Variants in TARP observed in about 807,000 individuals in gnomAD.
At chr7:38,266,019 T>G in the TARP span, among the ~76,000 whole-genome samples, 4 of 151,314 alleles carry the variant, frequency 2.6e-5, no homozygotes, top group African/African-American at 9.7e-5. Flanking sequence ...ATGAGCATAT[T>G]TATTTTATTT....
the TARP span, among the ~76,000 whole-genome samples, chr7:38,263,367 G>A: frequency 6.6e-6 from 1 of 151,860 alleles, no homozygotes; most frequent in Non-Finnish European, 1.5e-5. Context: ...GTAGTTGTAG[G>A]GGAAGAAAAG....
chr7:38,266,510 C>T, the TARP span, among the ~76,000 whole-genome samples: 7 of 152,044 alleles, frequency 4.6e-5, no homozygotes, highest in Non-Finnish European at 8.8e-5. Flanking sequence ...CCATATTGAC[C>T]AGGCTGGTTT....
the TARP span, chr7:38,265,265 T>G: frequency 3.0e-6 from 3 of 1,011,510 alleles, no homozygotes; most frequent in Non-Finnish European, 2.9e-6. Context: ...GATTTATGTT[T>G]GTTTTTCATT....
chr7:38,265,261 T>C, the TARP span: 2 of 963,272 alleles, frequency 2.1e-6, no homozygotes, highest in Non-Finnish European at 1.5e-6. Flanking sequence ...GAAAGATTTA[T>C]GTTTGTTTTT....
the TARP span, among the ~76,000 whole-genome samples, chr7:38,264,721 A>G: frequency 1.1e-3 from 168 of 151,938 alleles, no homozygotes; most frequent in African/African-American, 4.0e-3. Flanking sequence ...CCTGATCACT[A>G]GAAAAATCAG....
the TARP span, among the ~76,000 whole-genome samples, chr7:38,268,018 G>T: frequency 6.6e-6 from 1 of 150,764 alleles, no homozygotes; most frequent in South Asian, 2.1e-4. Context: ...CTTTCTCAAC[G>T]TAGTAGTTAA....
chr7:38,265,613 T>A, the TARP span: 1 of 1,611,594 alleles, frequency 6.2e-7, no homozygotes, highest in East Asian at 2.2e-5. Flanking sequence ...TTCTGGAGCT[T>A]TGTTTCAGCA....
chr7:38,271,233 A>T, the TARP span, among the ~76,000 whole-genome samples: 13 of 151,558 alleles, frequency 8.6e-5, 1 homozygote, highest in Admixed American at 7.9e-4. Flanking sequence ...CCAGGAGTTG[A>T]TGGTTTTGTA....
At chr7:38,265,452 C>G in the TARP span, 7 of 1,611,332 alleles carry the variant, frequency 4.3e-6, no homozygotes, top group Admixed American at 3.3e-5. Context: ...TTTCTGGCAC[C>G]GTTAACCAGC....
At chr7:38,260,227 G>GT in the TARP span, 1 of 1,577,782 alleles carries the variant, frequency 6.3e-7, no homozygotes, top group Non-Finnish European at 8.6e-7. Flanking sequence ...CAGCAGTAGT[G>GT]TATCTAAGAG....
At chr7:38,271,056 G>A in the TARP span, among the ~76,000 whole-genome samples, 1 of 150,604 alleles carries the variant, frequency 6.6e-6, no homozygotes, top group Non-Finnish European at 1.5e-5. Flanking sequence ...GGTAATCACA[G>A]GCCTTTTTCC....
chr7:38,263,827 A>T, the TARP span, among the ~76,000 whole-genome samples: 1 of 151,864 alleles, frequency 6.6e-6, no homozygotes, highest in African/African-American at 2.4e-5. Context: ...GAATTCTAAA[A>T]ACTTGGACTT....
At chr7:38,261,870 CAAA>C in the TARP span, among the ~76,000 whole-genome samples, 1 of 52,464 alleles carries the variant, frequency 1.9e-5, no homozygotes, top group Non-Finnish European at 4.1e-5. Context: ...AGACTCTGTC[CAAA>C]AAAAAAAAAA....
the TARP span, chr7:38,262,059 C>T: frequency 1.2e-6 from 1 of 865,944 alleles, no homozygotes; most frequent in South Asian, 1.4e-5. Flanking sequence ...TTTAAAATAT[C>T]ACTAGGTCCA....
chr7:38,265,424 G>T, the TARP span: 1 of 1,612,100 alleles, frequency 6.2e-7, no homozygotes, highest in Admixed American at 1.7e-5. Context: ...ATACATCTGT[G>T]TTCTTTGTCC....
chr7:38,266,535 C>A, the TARP span, among the ~76,000 whole-genome samples: 3 of 152,020 alleles, frequency 2.0e-5, no homozygotes, highest in Non-Finnish European at 4.4e-5. Flanking sequence ...CTCCTGCGCT[C>A]AAGTGATCTG....
the TARP span, among the ~76,000 whole-genome samples, chr7:38,270,998 T>C: frequency 6.6e-6 from 1 of 150,964 alleles, no homozygotes; most frequent in African/African-American, 2.4e-5. Context: ...TTCCCCTACC[T>C]TTTTCTCCTT....
the TARP span, chr7:38,259,719 C>T: frequency 5.5e-6 from 1 of 182,634 alleles, no homozygotes; most frequent in South Asian, 1.3e-4. Context: ...AAGAAGACTG[C>T]TTCAGGGCGT....
the TARP span, among the ~76,000 whole-genome samples, chr7:38,263,266 C>T: frequency 4.0e-4 from 61 of 151,994 alleles, no homozygotes; most frequent in African/African-American, 1.3e-3. Flanking sequence ...TTATGTATGG[C>T]CCCATGTTCT....
Sources: gnomAD v4.1 joint callset for allele counts (sites outside exome capture counted in the v4.1 genomes callset) on GRCh38, gnomAD v4.1.1 for gene constraint, MANE v1.5 for transcripts.